Variants in CNTNAP4 observed in about 807,000 individuals in gnomAD.
The protein encoded by CNTNAP4 is contactin associated protein family member 4.
A neutral mutation model predicts 148.4 loss-of-function variants in CNTNAP4; 98 were observed. That is an observed-to-expected ratio of 0.66 (90% CI 0.56 to 0.78). CNTNAP4 has a LOEUF of 0.78. Among genes scored for constraint, CNTNAP4 ranks in the 30% least tolerant of loss-of-function variants. The pLI, the probability that CNTNAP4 is intolerant of heterozygous loss-of-function variation, is 0.00. For synonymous variants in CNTNAP4, 730 were observed against 565.1 expected (o/e 1.29, Z -4.14); for missense variants, 1,935 against 1,565.6 (o/e 1.24, Z -3.98).
chr16:76,362,201 A>G (rs1462443051), intron 3 of CNTNAP4, among the ~76,000 whole-genome samples: 1 of 152,166 alleles, frequency 6.6e-6, no homozygotes, highest in Non-Finnish European at 1.5e-5. Context: ...TACCATGGGA[A>G]CAAAAGAGCT....
At chr16:76,548,609 A>C (rs1221470153) in intron 21 of CNTNAP4, among the ~76,000 whole-genome samples, 1 of 152,008 alleles carries the variant, frequency 6.6e-6, no homozygotes, top group Admixed American at 6.6e-5. Flanking sequence ...CGACAAGCAG[A>C]AGTCACTCCC....
In CNTNAP4 at chr16:76,540,690, A is replaced by G. The variant is rs905402019; in HGVS notation, c.3355-13A>G. On this transcript the variant is annotated splice_polypyrimidine_tract_variant and intron_variant, in intron 20 of 23. Transcript: ENST00000611870. ...CCATTTGGATGTTTTTATCTTGTGT[A>G]ATAATTTTGTAGATTGACGATAATA... is the stretch of plus-strand genomic sequence containing the variant. 8 of 1,538,014 alleles carry G rather than the reference A, an allele frequency of 5.2e-6. No individual in the cohort carries two copies. Among genetic ancestry groups the G allele is most frequent in the Non-Finnish European group, 6.2e-6 (7 of 1,133,494 alleles).
intron 3 of CNTNAP4, among the ~76,000 whole-genome samples, chr16:76,426,683 C>G (rs934913607): frequency 6.6e-6 from 1 of 152,046 alleles, no homozygotes; most frequent in African/African-American, 2.4e-5. Flanking sequence ...CCTGGCCCTA[C>G]CATGTAATGG....
chr16:76,422,300 C>T (rs1006674152), intron 3 of CNTNAP4, among the ~76,000 whole-genome samples: 1 of 151,962 alleles, frequency 6.6e-6, no homozygotes, highest in African/African-American at 2.4e-5. Flanking sequence ...AACATATATT[C>T]TGTGTCTATT....
chr16:76,457,957 C>G (rs1418215791), intron 8 of CNTNAP4, among the ~76,000 whole-genome samples: 1 of 152,020 alleles, frequency 6.6e-6, no homozygotes, highest in African/African-American at 2.4e-5. Flanking sequence ...TGCCCTCTCC[C>G]CTTTTGAAGT....
chr16:76,318,555 C>G (rs1962055325), intron 2 of CNTNAP4, among the ~76,000 whole-genome samples: 1 of 151,176 alleles, frequency 6.6e-6, no homozygotes, highest in Non-Finnish European at 1.5e-5. Context: ...TTACATTTTT[C>G]TTTTTGATTT....
chr16:76,553,273 G>T lies in CNTNAP4; in HGVS notation c.3443-10G>T, dbSNP rs1206946051. On this transcript the variant is annotated splice_polypyrimidine_tract_variant and intron_variant, in intron 21 of 23. Transcript: ENST00000611870. Reference sequence around the variant, plus strand: ...ACTACTAATATTTCGGTGTTTCTTTGAATTTCTAGAACACAGTGATGTGGA... The same window carrying T: ...ACTACTAATATTTCGGTGTTTCTTTTAATTTCTAGAACACAGTGATGTGGA... The T allele has an allele frequency of 6.5e-7, 1 of 1,548,464 alleles. No individual in the cohort carries two copies. The highest frequency in any genetic ancestry group is 1.8e-5 in the Admixed American group (1 of 56,722).
intron 3 of CNTNAP4, among the ~76,000 whole-genome samples, chr16:76,415,323 T>C (rs74026767): frequency 0.03 from 4,566 of 151,284 alleles, 232 homozygotes; most frequent in African/African-American, 0.11. Flanking sequence ...TTCTACAAAA[T>C]ATATTTATAA....
At chr16:76,502,017 C>G (rs959086903) in intron 15 of CNTNAP4, among the ~76,000 whole-genome samples, 1 of 150,738 alleles carries the variant, frequency 6.6e-6, no homozygotes, top group Non-Finnish European at 1.5e-5. Flanking sequence ...TGCAGTGAGC[C>G]GAGATCCCGC....
At chr16:76,414,101 G>C (rs2078895771) in intron 3 of CNTNAP4, among the ~76,000 whole-genome samples, 1 of 151,064 alleles carries the variant, frequency 6.6e-6, no homozygotes, top group Non-Finnish European at 1.5e-5. Flanking sequence ...TTAATGAAAG[G>C]GTCTATACAG....
intron 4 of CNTNAP4, among the ~76,000 whole-genome samples, chr16:76,447,068 G>A (rs1477182257): frequency 6.6e-6 from 1 of 152,152 alleles, no homozygotes. Flanking sequence ...AGCACTTTGG[G>A]TGGCTGAGGT....
At chr16:76,484,995 A>G (rs530928746) in intron 12 of CNTNAP4, among the ~76,000 whole-genome samples, 5 of 152,372 alleles carry the variant, frequency 3.3e-5, no homozygotes, top group Non-Finnish European at 5.9e-5. Context: ...TGAATGGATA[A>G]TTTCTTAAAC....
chr16:76,365,647 G>T (rs533651708), intron 3 of CNTNAP4, among the ~76,000 whole-genome samples: 1 of 151,242 alleles, frequency 6.6e-6, no homozygotes, highest in Admixed American at 6.6e-5. Flanking sequence ...AGCTACTTGC[G>T]AGGCTGAGGC....
chr16:76,315,235 A>G (rs912822852), intron 1 of CNTNAP4, among the ~76,000 whole-genome samples: 1 of 152,146 alleles, frequency 6.6e-6, no homozygotes, highest in Admixed American at 6.5e-5. Flanking sequence ...CTGGTGCACA[A>G]ATGCAAGCTC....
At position 76,383,310 on chromosome 16, in the gene CNTNAP4, AG is replaced by A. The variant is rs559484428; in HGVS notation, c.390+27801del. ...CACATTGAAACAGAGACAACAAGGT[AG>A]GAGGTACCTGGAAGTAGACAATGTG... On this transcript the variant is annotated intron_variant, in intron 3 of 23. Coordinates refer to ENST00000611870, the MANE Select transcript of CNTNAP4 (RefSeq NM_033401.5). Among the ~76,000 whole-genome samples the A allele has an allele frequency of 1.5e-3, 220 of 151,670 alleles. 1 individual carries two copies. The highest frequency in any genetic ancestry group is 5.0e-3 in the African/African-American group (207 of 41,422).
chr16:76,341,682 A>T (rs1200662200), intron 2 of CNTNAP4, among the ~76,000 whole-genome samples: 2 of 152,190 alleles, frequency 1.3e-5, no homozygotes, highest in African/African-American at 2.4e-5. Context: ...AGGATTTGGG[A>T]TATGGCTTTC....
intron 8 of CNTNAP4, among the ~76,000 whole-genome samples, chr16:76,457,823 G>A (rs1341001781): frequency 6.6e-6 from 1 of 151,010 alleles, no homozygotes; most frequent in Non-Finnish European, 1.5e-5. Context: ...TTTTAGATTT[G>A]GGGGTACAAG....
chr16:76,338,020 G>T (rs1363156783), intron 2 of CNTNAP4, among the ~76,000 whole-genome samples: 1 of 152,162 alleles, frequency 6.6e-6, no homozygotes, highest in Non-Finnish European at 1.5e-5. Context: ...AGTTTGTACA[G>T]TTAACACAAT....
intron 13 of CNTNAP4, 100 bp downstream of exon 13, chr16:76,489,983 C>T (rs1207626946): frequency 2.8e-5 from 18 of 647,666 alleles, no homozygotes; most frequent in Non-Finnish European, 4.2e-5. Context: ...TGGTGTCTAG[C>T]CACTGAGGGT....
Sources: gnomAD v4.1 joint callset for allele counts (sites outside exome capture counted in the v4.1 genomes callset) on GRCh38, gnomAD v4.1.1 for gene constraint, MANE v1.5 for transcripts, NCBI Gene and HGNC (gene_info 2026-07-23, HGNC 2026-07-21) for gene names.